GOLM1: variants seen among roughly 807,000 people sequenced by gnomAD.
GOLM1 encodes the protein epididymis luminal protein 46.
A neutral mutation model predicts 50.5 loss-of-function variants in GOLM1; 31 were observed. The ratio of observed to expected loss-of-function variants is 0.61; its 90% confidence interval spans 0.46 to 0.83. The LOEUF (loss-of-function observed/expected upper bound fraction) is 0.83, where lower values mean the gene tolerates loss of function less well. Among genes scored for constraint, GOLM1 ranks in the 40% least tolerant of loss-of-function variants. GOLM1 has a pLI of 0.00. For missense variants in GOLM1, 491 were observed against 501.3 expected, an observed-to-expected ratio of 0.98 and a Z score of 0.20; for synonymous variants, 178 against 192.8, an observed-to-expected ratio of 0.92 and a Z score of 0.64.
intron 6 of GOLM1, 37 bp from the exon 7 acceptor site, chr9:86,036,544 G>T: frequency 7.5e-6 from 12 of 1,606,826 alleles, no homozygotes; most frequent in Non-Finnish European, 1.0e-5. Flanking sequence ...CCAGGGCAGG[G>T]CTCTGTGAAC....
At chr9:86,058,192 T>C (rs539020524) in intron 3 of GOLM1, among the ~76,000 whole-genome samples, 15 of 152,318 alleles carry the variant, frequency 9.8e-5, no homozygotes, top group Admixed American at 5.2e-4. Context: ...TGCTATTCAA[T>C]AGAAATAAAA....
chr9:86,050,302 A>T (rs538404556), intron 4 of GOLM1, among the ~76,000 whole-genome samples: 14 of 152,304 alleles, frequency 9.2e-5, no homozygotes, highest in African/African-American at 2.6e-4. Flanking sequence ...ATCGATGTTC[A>T]TCAGGGATAT....
At chr9:86,047,493 C>T (rs1042013581) in intron 4 of GOLM1, among the ~76,000 whole-genome samples, 1 of 151,908 alleles carries the variant, frequency 6.6e-6, no homozygotes, top group Non-Finnish European at 1.5e-5. Flanking sequence ...AAAGCTGTGG[C>T]GAAGAGAACA....
chr9:86,031,173 G>C (rs553767170), intron 9 of GOLM1, among the ~76,000 whole-genome samples: 28 of 151,912 alleles, frequency 1.8e-4, no homozygotes, highest in African/African-American at 6.5e-4. Flanking sequence ...TCGCACTACT[G>C]CACTCCAGCC....
intron 1 of GOLM1, among the ~76,000 whole-genome samples, chr9:86,082,267 C>T (rs903860828): frequency 4.0e-5 from 6 of 150,932 alleles, no homozygotes; most frequent in Admixed American, 1.3e-4. Flanking sequence ...ACCTTGTGAT[C>T]CGCCCGCCTC....
At chr9:86,060,150 T>C (rs1161752365) in intron 3 of GOLM1, among the ~76,000 whole-genome samples, 2 of 152,144 alleles carry the variant, frequency 1.3e-5, no homozygotes, top group African/African-American at 4.8e-5. Context: ...AATTTGGCAT[T>C]TTCACACTCA....
intron 5 of GOLM1, among the ~76,000 whole-genome samples, chr9:86,042,521 T>C (rs1390702979): frequency 2.0e-5 from 3 of 152,146 alleles, no homozygotes; most frequent in Non-Finnish European, 2.9e-5. Flanking sequence ...CCAGGTGCTA[T>C]GGAAATAATG....
chr9:86,079,955 T>C (rs1258763044), intron 1 of GOLM1: 1 of 151,386 alleles, frequency 6.6e-6, no homozygotes, highest in Admixed American at 6.6e-5. Context: ...CTCCCCCCCA[T>C]GTACATCATT....
chr9:86,060,551 A>G (rs901547475), intron 3 of GOLM1, among the ~76,000 whole-genome samples: 7 of 152,136 alleles, frequency 4.6e-5, no homozygotes, highest in African/African-American at 1.4e-4. Context: ...ACAAGCCCCT[A>G]AAGATGACAT....
At chr9:86,048,512 T>A (rs1833632198) in intron 4 of GOLM1, among the ~76,000 whole-genome samples, 1 of 152,216 alleles carries the variant, frequency 6.6e-6, no homozygotes, top group African/African-American at 2.4e-5. Flanking sequence ...CATTCCTATT[T>A]CTCCACATCC....
chr9:86,071,346 C>T (rs1393418527), intron 3 of GOLM1, among the ~76,000 whole-genome samples: 2 of 152,036 alleles, frequency 1.3e-5, no homozygotes, highest in Non-Finnish European at 2.9e-5. Flanking sequence ...AATCCTCCCG[C>T]CTTAGCCTCC....
At chr9:86,076,421 C>CAAAAAAAAAAAA (rs58193076) in intron 3 of GOLM1, among the ~76,000 whole-genome samples, 3 of 23,334 alleles carry the variant, frequency 1.3e-4, no homozygotes, top group African/African-American at 2.4e-4. Flanking sequence ...AACCCCATCT[C>CAAAAAAAAAAAA]AAAAAAAAAA....
chr9:86,099,757 G>C (rs1325792084), upstream of GOLM1, among the ~76,000 whole-genome samples: 1 of 152,022 alleles, frequency 6.6e-6, no homozygotes, highest in Non-Finnish European at 1.5e-5. Flanking sequence ...CTCGCCGCTG[G>C]GCGTTGCCCC....
At chr9:86,039,734 G>A (rs1453335137) in intron 6 of GOLM1, among the ~76,000 whole-genome samples, 6 of 152,130 alleles carry the variant, frequency 3.9e-5, no homozygotes, top group Non-Finnish European at 7.4e-5. Flanking sequence ...TTGGGAGGCC[G>A]AGGTGGGTGG....
intron 3 of GOLM1, among the ~76,000 whole-genome samples, chr9:86,072,914 G>T (rs1480607604): frequency 6.6e-6 from 1 of 152,162 alleles, no homozygotes; most frequent in Admixed American, 6.5e-5. Flanking sequence ...GTAAGTATTT[G>T]TGTATCTAAA....
At chr9:86,064,836 G>T (rs904244276) in intron 3 of GOLM1, among the ~76,000 whole-genome samples, 3 of 152,168 alleles carry the variant, frequency 2.0e-5, no homozygotes, top group African/African-American at 4.8e-5. Flanking sequence ...GCAGCAGATC[G>T]GCTCCTCCAC....
chr9:86,074,493 T>TCC (rs1335174119), intron 3 of GOLM1, among the ~76,000 whole-genome samples: 2 of 152,080 alleles, frequency 1.3e-5, no homozygotes, highest in East Asian at 3.9e-4. Context: ...GTTTCCTCTA[T>TCC]CCCCCTTCCC....
chr9:86,068,483 C>A (rs1222620718), intron 3 of GOLM1, among the ~76,000 whole-genome samples: 2 of 152,218 alleles, frequency 1.3e-5, no homozygotes, highest in Non-Finnish European at 2.9e-5. Flanking sequence ...AGAAGCCACA[C>A]TGCCACGTGG....
intron 1 of GOLM1, among the ~76,000 whole-genome samples, chr9:86,089,568 T>A (rs1268775892): frequency 6.6e-6 from 1 of 152,272 alleles, no homozygotes; most frequent in East Asian, 1.9e-4. Flanking sequence ...TACTTGCATA[T>A]GCTTCACGAA....
Sources: allele counts gnomAD v4.1 joint callset (sites outside exome capture counted in the v4.1 genomes callset), GRCh38; gene constraint gnomAD v4.1.1; transcripts MANE v1.5; gene names NCBI Gene and HGNC (gene_info 2026-07-23, HGNC 2026-07-21).